Variants in ZNF652 observed in about 807,000 individuals in gnomAD.
The protein encoded by ZNF652 is zinc finger protein 652.
Under a neutral mutation model 45.2 loss-of-function variants are expected in ZNF652, and 16 were observed. The observed-to-expected ratio is 0.35, with a 90% CI of 0.24 to 0.54. ZNF652 has a LOEUF of 0.54. ZNF652 is among the 20% of genes least tolerant of loss of function. The pLI, the probability that ZNF652 is intolerant of heterozygous loss-of-function variation, is 0.91. For synonymous variants in ZNF652, 250 were observed against 260.6 expected (o/e 0.96, Z 0.39); for missense variants, 614 against 765.6 (o/e 0.80, Z 2.34).
chr17:49,339,630 A>T (rs528953310), intron 1 of ZNF652, among the ~76,000 whole-genome samples: 14 of 152,132 alleles, frequency 9.2e-5, no homozygotes, highest in Non-Finnish European at 1.3e-4. Context: ...CATTATCTTC[A>T]CTGGCTACTC....
intron 1 of ZNF652, among the ~76,000 whole-genome samples, chr17:49,347,553 A>AGACTCTGT (rs2070217540): frequency 6.6e-6 from 1 of 152,064 alleles, no homozygotes; most frequent in Non-Finnish European, 1.5e-5. Context: ...TGACAGAGCA[A>AGACTCTGT]GACTCTGTCT....
At position 49,291,707 on chromosome 17, in the gene ZNF652, A is replaced by T. The variant is rs1189122957; in HGVS notation, c.*6706T>A. ...TATGGCCTGGGACCCTGAAGAGAAA[A>T]GCCACAAATTTTAAAGTAGATACTA... On this transcript the variant is annotated 3_prime_UTR_variant, in exon 6 of 6. Transcript: ENST00000430262. 5 of 152,214 alleles carry T rather than the reference A, an allele frequency of 3.3e-5. No homozygotes were observed. The highest frequency in any genetic ancestry group is 1.2e-4 in the African/African-American group (5 of 41,444). The allele number at this position is 152,214 out of a possible 1,614,324, so 9.4% of individuals were successfully genotyped here. A position where few individuals can be genotyped will look rare whatever the true frequency, so the allele number is the denominator to read the frequency against.
intron 1 of ZNF652, among the ~76,000 whole-genome samples, chr17:49,333,982 A>G (rs1488308067): frequency 6.6e-6 from 1 of 152,124 alleles, no homozygotes; most frequent in Non-Finnish European, 1.5e-5. Flanking sequence ...TTAAAAAAAA[A>G]AATTAAACAG....
chr17:49,309,934 AG>A (rs772630915), intron 5 of ZNF652, among the ~76,000 whole-genome samples: 1 of 152,098 alleles, frequency 6.6e-6, no homozygotes, highest in Non-Finnish European at 1.5e-5. Context: ...AAAGAACAGC[AG>A]GCTAAGCAAG....
chr17:49,293,398 C>A lies in ZNF652; in HGVS notation c.*5015G>T, dbSNP rs574090945. Among the ~76,000 whole-genome samples the A allele has an allele frequency of 2.1e-4, 32 of 152,124 alleles. No individual in the cohort carries two copies. The highest frequency in any genetic ancestry group is 7.5e-4 in the African/African-American group (31 of 41,514). ...AACCTATCCTCTGAGACAAAAAGAT[C>A]TGATCATAAAGTCTATAAAAAAGTC... On this transcript the variant is annotated 3_prime_UTR_variant, in exon 6 of 6. Transcript: ENST00000430262.
chr17:49,319,403 C>G (rs191937333), intron 1 of ZNF652, among the ~76,000 whole-genome samples: 1,721 of 151,426 alleles, frequency 0.011, 6 homozygotes, highest in Non-Finnish European at 0.017. Context: ...GGGAGGCCAA[C>G]GTAGTCGGAT....
chr17:49,344,791 G>C (rs2070187490), intron 1 of ZNF652, among the ~76,000 whole-genome samples: 1 of 152,156 alleles, frequency 6.6e-6, no homozygotes, highest in Non-Finnish European at 1.5e-5. Flanking sequence ...AAAGTGCTTG[G>C]ATTACAGGCG....
chr17:49,293,642 G>A lies in ZNF652; in HGVS notation c.*4771C>T, dbSNP rs1302596681. 9.2e-6 allele frequency among the ~76,000 whole-genome samples: 1 copy of A among 108,766 alleles called. No homozygotes were observed. Among genetic ancestry groups the A allele is most frequent in the African/African-American group, 3.5e-5 (1 of 28,444 alleles). The allele number at this position is 108,766 out of a possible 152,430, so 71.4% of individuals were successfully genotyped here. A position where few individuals can be genotyped will look rare whatever the true frequency, so the allele number is the denominator to read the frequency against. On this transcript the variant is annotated 3_prime_UTR_variant, in exon 6 of 6. Transcript: ENST00000430262. ...AATGCCACTATTTCTAATGGCTTAT[G>A]ACCTTTCATTCCTAAAAAAAAAAAA...
chr17:49,309,911 A>G (rs1363168496), intron 5 of ZNF652, among the ~76,000 whole-genome samples: 2 of 152,074 alleles, frequency 1.3e-5, no homozygotes, highest in Admixed American at 6.6e-5. Context: ...TTTCCTCACC[A>G]CTAGTTAAGT....
intron 1 of ZNF652, among the ~76,000 whole-genome samples, chr17:49,327,757 ATATATATATATATATATATATATTTT>A (rs1176673468): frequency 0.012 from 175 of 14,522 alleles, 11 homozygotes; most frequent in South Asian, 0.1. Context: ...ATATATATAT[ATATATATATATATATATATATATTTT>A]TTTTTTTTTT....
At chr17:49,351,014 T>TACAC (rs370792940) in intron 1 of ZNF652, among the ~76,000 whole-genome samples, 467 of 29,336 alleles carry the variant, frequency 0.016, 1 homozygote, top group Admixed American at 0.03. Flanking sequence ...TATATATATA[T>TACAC]ACACACACAC....
At chr17:49,362,344 C>T (rs1279195402), upstream of ZNF652, 6 of 151,736 alleles carry the variant, frequency 4.0e-5, no homozygotes, top group Admixed American at 3.3e-4. Context: ...CCTCCGCCCG[C>T]CCCCTCAGCA....
intron 1 of ZNF652, among the ~76,000 whole-genome samples, chr17:49,322,670 G>A (rs1010135257): frequency 6.6e-6 from 1 of 152,158 alleles, no homozygotes; most frequent in Admixed American, 6.6e-5. Context: ...CAGATCACGA[G>A]GTCAGGAGAT....
intron 2 of ZNF652, among the ~76,000 whole-genome samples, chr17:49,315,259 T>C (rs1312667409): frequency 6.7e-6 from 1 of 150,070 alleles, no homozygotes. Flanking sequence ...CAGGCTGGTC[T>C]CGAACTCCTG....
chr17:49,302,541 G>A (rs930642418), intron 5 of ZNF652, among the ~76,000 whole-genome samples: 1 of 151,858 alleles, frequency 6.6e-6, no homozygotes, highest in African/African-American at 2.4e-5. Flanking sequence ...GCCCGCCTCG[G>A]CCTCCCAAAG....
intron 1 of ZNF652, among the ~76,000 whole-genome samples, chr17:49,358,221 G>A (rs2070357694): frequency 6.6e-6 from 1 of 152,162 alleles, no homozygotes; most frequent in South Asian, 2.1e-4. Flanking sequence ...TTTAAATCGA[G>A]TTATGCCTAC....
At chr17:49,358,071 T>C (rs2070356125) in intron 1 of ZNF652, among the ~76,000 whole-genome samples, 1 of 152,230 alleles carries the variant, frequency 6.6e-6, no homozygotes, top group Non-Finnish European at 1.5e-5. Context: ...TATGATCATA[T>C]GCCAGGAACT....
chr17:49,310,472 G>A (rs2069694059), intron 5 of ZNF652, among the ~76,000 whole-genome samples: 1 of 152,218 alleles, frequency 6.6e-6, no homozygotes, highest in Non-Finnish European at 1.5e-5. Flanking sequence ...TCAGATGCTT[G>A]TAAAACTCAA....
intron 5 of ZNF652, among the ~76,000 whole-genome samples, chr17:49,303,703 A>T (rs2069586596): frequency 6.6e-6 from 1 of 151,990 alleles, no homozygotes; most frequent in South Asian, 2.1e-4. Context: ...CTAATCTTTG[A>T]ATTTTAGTCT....
Sources: allele counts gnomAD v4.1 joint callset (sites outside exome capture counted in the v4.1 genomes callset), GRCh38; gene constraint gnomAD v4.1.1; transcripts MANE v1.5; gene names NCBI Gene and HGNC (gene_info 2026-07-23, HGNC 2026-07-21).